ROBO2: variants seen among roughly 807,000 people sequenced by gnomAD.
ROBO2 encodes roundabout guidance receptor 2.
A neutral mutation model predicts 160.8 loss-of-function variants in ROBO2; 53 were observed. That is an observed-to-expected ratio of 0.33 (90% CI 0.26 to 0.41). The LOEUF (loss-of-function observed/expected upper bound fraction) is 0.41, where lower values mean the gene tolerates loss of function less well. ROBO2 is among the 10% of genes least tolerant of loss of function. The pLI is 1.00. For missense variants in ROBO2, 1,577 were observed against 1,722.4 expected (o/e 0.92, Z 1.49); for synonymous variants, 664 against 611.7 (o/e 1.09, Z -1.26).
intron 2 of ROBO2, chr3:76,434,543 G>A: frequency 6.3e-7 from 1 of 1,583,954 alleles, no homozygotes; most frequent in Non-Finnish European, 8.7e-7. Context: ...TGTAGACTGG[G>A]TCAAAGCTTA....
chr3:76,801,940 G>A (rs1398449929), intron 2 of ROBO2, among the ~76,000 whole-genome samples: 1 of 152,110 alleles, frequency 6.6e-6, no homozygotes, highest in Non-Finnish European at 1.5e-5. Flanking sequence ...AGGGAGGTCT[G>A]AGGAGAGAGA....
intron 2 of ROBO2, among the ~76,000 whole-genome samples, chr3:77,139,264 T>G (rs2076516503): frequency 6.6e-6 from 1 of 152,198 alleles, no homozygotes; most frequent in African/African-American, 2.4e-5. Flanking sequence ...CAAGTAATTT[T>G]CTGATGTTGA....
intron 2 of ROBO2, among the ~76,000 whole-genome samples, chr3:76,072,826 G>A (rs930290472): frequency 9.2e-5 from 14 of 152,250 alleles, no homozygotes; most frequent in African/African-American, 2.6e-4. Context: ...ATGTAGGCAG[G>A]CCTCAGAGGC....
chr3:76,388,616 G>A (rs1011433762), intron 2 of ROBO2, among the ~76,000 whole-genome samples: 1 of 152,030 alleles, frequency 6.6e-6, no homozygotes, highest in African/African-American at 2.4e-5. Flanking sequence ...ATTCATTGCT[G>A]TACAACCAAT....
intron 13 of ROBO2, among the ~76,000 whole-genome samples, chr3:77,568,911 T>C (rs2093564792): frequency 6.6e-6 from 1 of 152,038 alleles, no homozygotes; most frequent in South Asian, 2.1e-4. Flanking sequence ...GTGCAATATG[T>C]GGTCTTTTGT....
chr3:76,566,125 CAA>C (rs1441504202), intron 2 of ROBO2, among the ~76,000 whole-genome samples: 1 of 152,020 alleles, frequency 6.6e-6, no homozygotes, highest in East Asian at 1.9e-4. Context: ...AAGGCAGACT[CAA>C]GAGTACTTTC....
chr3:77,105,750 C>G (rs1025133814), intron 2 of ROBO2, among the ~76,000 whole-genome samples: 2 of 152,084 alleles, frequency 1.3e-5, no homozygotes, highest in African/African-American at 4.8e-5. Flanking sequence ...TGACAATTAG[C>G]CTGAATTAAC....
At chr3:77,392,322 A>G (rs1006607717) in intron 2 of ROBO2, among the ~76,000 whole-genome samples, 1 of 152,196 alleles carries the variant, frequency 6.6e-6, no homozygotes, top group Non-Finnish European at 1.5e-5. Flanking sequence ...GTCACCCTTG[A>G]CAAATCCTAA....
chr3:76,040,124 CTT>C (rs555733225), intron 2 of ROBO2, among the ~76,000 whole-genome samples: 203 of 151,900 alleles, frequency 1.3e-3, no homozygotes, highest in Non-Finnish European at 2.3e-3. Flanking sequence ...CTCTAGGTCT[CTT>C]TCATTACTGA....
intron 2 of ROBO2, among the ~76,000 whole-genome samples, chr3:76,449,669 A>C (rs1397713231): frequency 6.6e-6 from 1 of 152,150 alleles, no homozygotes; most frequent in Non-Finnish European, 1.5e-5. Flanking sequence ...GCAGTGTTTA[A>C]GTGTTTTGCA....
chr3:76,691,492 G>A (rs2092801109), intron 2 of ROBO2, among the ~76,000 whole-genome samples: 1 of 152,046 alleles, frequency 6.6e-6, no homozygotes, highest in Non-Finnish European at 1.5e-5. Context: ...AAATTAAATG[G>A]GCAAAGGAAT....
At chr3:76,992,956 T>C (rs2149380385) in intron 2 of ROBO2, among the ~76,000 whole-genome samples, 1 of 151,628 alleles carries the variant, frequency 6.6e-6, no homozygotes, top group South Asian at 2.1e-4. Flanking sequence ...TAACTGGGAT[T>C]ACAGGCACTC....
At chr3:76,144,572 G>A (rs2071815067) in intron 2 of ROBO2, among the ~76,000 whole-genome samples, 1 of 151,940 alleles carries the variant, frequency 6.6e-6, no homozygotes, top group Non-Finnish European at 1.5e-5. Flanking sequence ...AGACACAATT[G>A]GACTTTTAAA....
intron 2 of ROBO2, among the ~76,000 whole-genome samples, chr3:76,060,240 A>G (rs538497840): frequency 4.6e-5 from 7 of 152,192 alleles, no homozygotes; most frequent in Non-Finnish European, 1.0e-4. Flanking sequence ...TCTATGCTGA[A>G]TGTTCATTCA....
intron 2 of ROBO2, among the ~76,000 whole-genome samples, chr3:76,384,558 A>G (rs987963988): frequency 4.6e-5 from 7 of 152,186 alleles, no homozygotes; most frequent in Admixed American, 2.0e-4. Context: ...TCATGCTGCT[A>G]TATAGAACTG....
intron 22 of ROBO2, 146 bp downstream of exon 23, chr3:77,617,919 A>T (rs981701375): frequency 1.1e-5 from 9 of 846,332 alleles, no homozygotes; most frequent in Middle Eastern, 3.6e-4. Context: ...AGATAAATGT[A>T]TCCACTGAGA....
At chr3:77,444,897 G>A (rs1351634466) in intron 2 of ROBO2, among the ~76,000 whole-genome samples, 12 of 152,272 alleles carry the variant, frequency 7.9e-5, no homozygotes, top group East Asian at 3.9e-4. Flanking sequence ...TGGAATGTGC[G>A]GAGGCATCCT....
intron 2 of ROBO2, among the ~76,000 whole-genome samples, chr3:76,365,909 G>T (rs542088427): frequency 6.6e-6 from 1 of 152,048 alleles, no homozygotes; most frequent in East Asian, 1.9e-4. Flanking sequence ...TCACTCTTCT[G>T]CTCAAAACAT....
chr3:76,126,185 A>G (rs2070981520), intron 2 of ROBO2, among the ~76,000 whole-genome samples: 1 of 152,210 alleles, frequency 6.6e-6, no homozygotes, highest in Non-Finnish European at 1.5e-5. Context: ...GGAGTGAATC[A>G]GGTCAAACTC....
Sources: allele counts gnomAD v4.1 joint callset (sites outside exome capture counted in the v4.1 genomes callset), GRCh38; gene constraint gnomAD v4.1.1; transcripts MANE v1.5; gene names NCBI Gene and HGNC (gene_info 2026-07-23, HGNC 2026-07-21).